Variants in TNK1 observed in about 807,000 individuals in gnomAD.
TNK1 encodes tyrosine kinase non receptor 1, also known as non-receptor tyrosine-protein kinase TNK1.
Under a neutral mutation model 65.2 loss-of-function variants are expected in TNK1, and 53 were observed. That is an observed-to-expected ratio of 0.81 (90% CI 0.65 to 1.02). TNK1 has a LOEUF of 1.02. Among genes scored for constraint, TNK1 ranks in the 50% least tolerant of loss-of-function variants. TNK1 has a pLI of 0.00. For missense variants in TNK1, 837 were observed against 878.4 expected (o/e 0.95, Z 0.60); for synonymous variants, 353 against 364.6 (o/e 0.97, Z 0.36).
rs5819155 is a variant in TNK1 at position 7,387,468 on chromosome 17, TG to T, written c.1477+13del. On this transcript the variant is annotated intron_variant, in intron 10 of 12. Coordinates refer to ENST00000688331, the MANE Select transcript of TNK1 (RefSeq NM_003985.6). ...TGGAGAGGATGAAAGGTGGGTGTGG[TG>T]GACTCCAGAGTCTCTGAGGAGATCA... 622,468 of 1,577,900 alleles carry T rather than the reference TG, an allele frequency of 0.39. 127,190 individuals are homozygous for T. The highest frequency in any genetic ancestry group is 0.59 in the Middle Eastern group (3,578 of 6,022).
chr17:7,384,873 G>C, intron 7 of TNK1, 119 bp downstream of exon 7: 2 of 1,332,278 alleles, frequency 1.5e-6, no homozygotes, highest in Non-Finnish European at 2.0e-6. Context: ...ACTCAGCTCT[G>C]AGCAAAACAG....
Position 7,382,787 on chromosome 17 carries a change from C to A in TNK1, c.-91-49C>A. 1 of 883,160 alleles carries A rather than the reference C, an allele frequency of 1.1e-6. No individual in the cohort carries two copies. Among genetic ancestry groups the A allele is most frequent in the Non-Finnish European group, 1.7e-6 (1 of 588,192 alleles). 54.7% of individuals were successfully genotyped at this position (883,160 alleles called of 1,614,324 possible). A position where few individuals can be genotyped will look rare whatever the true frequency, so the allele number is the denominator to read the frequency against. On this transcript the variant is annotated intron_variant, in intron 1 of 12. Transcript: ENST00000688331. This position sits in a 1 kb window ranked among gnomAD's most constrained non-coding sequence, Gnocchi z 4.1. Reference sequence around the variant, plus strand: ...CGTGAGTGGCAGGGATCCTGGCTGTCTCTGCTGTGTCCCTGCCTCTGTACC... The same window carrying A: ...CGTGAGTGGCAGGGATCCTGGCTGTATCTGCTGTGTCCCTGCCTCTGTACC...
rs762718215 is a variant in TNK1 at position 7,383,571 on chromosome 17, C to G, written c.381C>G (p.Phe127Leu). The part of the protein sequence containing the change: ...CRGELLGSGC[F>L]GVVHRGLWTL... ...GGGAGCTGCTGGGTTCAGGCTGCTT[C>G]GGTGTGGTGCACCGAGGGCTGTGGA... The change falls in exon 4 of 13, where the codon TTC (phenylalanine) becomes TTG (leucine). Residue 127 changes from phenylalanine to leucine, a missense_variant. Transcript: ENST00000688331. 4 of 1,611,882 alleles carry G rather than the reference C, an allele frequency of 2.5e-6. No homozygotes were observed. Among genetic ancestry groups the G allele is most frequent in the Non-Finnish European group, 2.5e-6 (3 of 1,178,862 alleles).
chr17:7,385,831 T>G (rs1340239277), intron 7 of TNK1, among the ~76,000 whole-genome samples: 1 of 152,166 alleles, frequency 6.6e-6, no homozygotes, highest in Non-Finnish European at 1.5e-5. Context: ...TCCCAAAGTG[T>G]TGGGATTACA....
At chr17:7,387,753 T>A (rs1365291812) in intron 10 of TNK1, among the ~76,000 whole-genome samples, 1 of 152,054 alleles carries the variant, frequency 6.6e-6, no homozygotes, top group African/African-American at 2.4e-5. Context: ...TACAGGCATG[T>A]GCCACCACAC....
rs935164297 is a variant in TNK1, at chr17:7,386,558, C to T, written c.1138-3C>T. The stretch of plus-strand genomic sequence containing the variant: ...CAGCCACCCTTTCCTCTTGTCTCCA[C>T]AGGCCGGGCCTTCGGAAGCATGTTG... On this transcript the variant is annotated splice_polypyrimidine_tract_variant and splice_region_variant and intron_variant, in intron 7 of 12. Coordinates refer to ENST00000688331, the MANE Select transcript of TNK1 (RefSeq NM_003985.6). 4 of 1,597,022 alleles carry T rather than the reference C, an allele frequency of 2.5e-6. No homozygotes were observed. The African/African-American group carries it at 5.4e-5, about 21-fold the overall frequency.
At chr17:7,387,512 C>T in intron 10 of TNK1, 55 bp downstream of exon 10, 1 of 1,437,862 alleles carries the variant, frequency 7.0e-7, no homozygotes, top group South Asian at 1.3e-5. Context: ...TCCTTCAATT[C>T]CGACCCCCTG....
Position 7,383,884 on chromosome 17 carries a change from G to C in TNK1, c.582+20G>C. On this transcript the variant is annotated intron_variant, in intron 5 of 12. Coordinates refer to ENST00000688331, the MANE Select transcript of TNK1 (RefSeq NM_003985.6). ...CAGATGGTGAGCAGATCCAGCCGCT[G>C]GTTCCCGGGACAGCCGTGCGGCAGG... is the stretch of plus-strand genomic sequence containing the variant. 6.3e-7 allele frequency: 1 copy of C among 1,599,446 alleles called. No individual in the cohort carries two copies. The highest frequency in any genetic ancestry group is 8.5e-7 in the Non-Finnish European group (1 of 1,172,240).
At position 7,384,762 on chromosome 17, in the gene TNK1, C is replaced by T; in HGVS notation, c.1137+8C>T. 6.4e-7 allele frequency: 1 copy of T among 1,565,892 alleles called. No homozygotes were observed. Among genetic ancestry groups the T allele is most frequent in the East Asian group, 2.4e-5 (1 of 42,414 alleles). On this transcript the variant is annotated splice_region_variant and intron_variant, in intron 7 of 12. Coordinates refer to ENST00000688331, the MANE Select transcript of TNK1 (RefSeq NM_003985.6). ...GAGGGGCTGCTGCAAGAGGTGGGAA[C>T]CCCCGACCTCACCAGATACACAGTC...
intron 1 of TNK1, among the ~76,000 whole-genome samples, chr17:7,381,548 A>T (rs573957736): frequency 1.2e-4 from 19 of 152,356 alleles, no homozygotes; most frequent in African/African-American, 4.1e-4. Flanking sequence ...CGAGTGACTC[A>T]GGCTGCCAGC....
In TNK1 at chr17:7,388,754, G is replaced by A. The variant is rs1241306953; in HGVS notation, c.1777-34G>A. 4 of 1,605,416 alleles carry A rather than the reference G, an allele frequency of 2.5e-6. No homozygotes were observed. Among genetic ancestry groups the A allele is most frequent in the African/African-American group, 1.3e-5 (1 of 74,730 alleles). Reference sequence around the variant, plus strand: ...GTGTCCAGAAGGGGCTACAGGCAGGGGCAGGGGCCTGAGTGAGGCTTTGTC... The same window carrying A: ...GTGTCCAGAAGGGGCTACAGGCAGGAGCAGGGGCCTGAGTGAGGCTTTGTC... On this transcript the variant is annotated intron_variant, in intron 11 of 12. Coordinates refer to ENST00000688331, the MANE Select transcript of TNK1 (RefSeq NM_003985.6). The surrounding 1 kb of genome is among the most constrained non-coding windows in gnomAD (Gnocchi z 4.5).
rs1215796112 is a variant in TNK1 at position 7,383,010 on chromosome 17, G to A, written c.84G>A (p.Glu28=). 2.5e-6 allele frequency: 4 copies of A among 1,613,864 alleles called. No individual in the cohort carries two copies. The African/African-American group carries it at 4.0e-5, about 16-fold the overall frequency. The part of the protein sequence containing the change: ...QLAQFYWPIL[E]ELNVTRPEHF... ...CCCAGTTTTACTGGCCCATCCTTGA[G>A]GAGCTTAATGTCACTCGGCCAGAGC... Residue 28 remains glutamate (E), a synonymous_variant, in exon 2 of 13, where the codon GAG becomes GAA. Transcript: ENST00000688331.
intron 7 of TNK1, among the ~76,000 whole-genome samples, chr17:7,385,657 T>C (rs575693847): frequency 1.5e-4 from 23 of 152,158 alleles, no homozygotes; most frequent in African/African-American, 2.6e-4. Context: ...CTCCGCCTCC[T>C]GGGTTCAAGC....
rs1273948646 is a variant in TNK1 at position 7,389,525 on chromosome 17, T to G, written c.*441T>G. 2.6e-6 allele frequency: 1 copy of G among 380,140 alleles called. No homozygotes were observed. The highest frequency in any genetic ancestry group is 4.7e-6 in the Non-Finnish European group (1 of 213,908). 23.5% of individuals were successfully genotyped at this position (380,140 alleles called of 1,614,324 possible). ...TCCTGGATGATGGAAGCCACCATAT[T>G]GACTTGGGGTATAGGCCCAAACTGC... On this transcript the variant is annotated 3_prime_UTR_variant, in exon 13 of 13. Coordinates refer to ENST00000688331, the MANE Select transcript of TNK1 (RefSeq NM_003985.6).
At chr17:7,384,906 G>T (rs1905096502) in intron 7 of TNK1, among the ~76,000 whole-genome samples, 152 bp downstream of exon 7, 2 of 152,228 alleles carry the variant, frequency 1.3e-5, no homozygotes, top group Non-Finnish European at 2.9e-5. Context: ...CCTGCAGGGA[G>T]ATCAGAGCCC....
upstream of TNK1, chr17:7,380,638 G>A (rs1428953127): frequency 2.0e-5 from 3 of 152,324 alleles, no homozygotes; most frequent in Non-Finnish European, 4.4e-5. Flanking sequence ...AGTAAAGCCT[G>A]CTAGGAAGCT....
At chr17:7,380,391 T>A (rs891950443), upstream of TNK1, 8 of 152,372 alleles carry the variant, frequency 5.3e-5, no homozygotes, top group African/African-American at 1.7e-4. Context: ...TTAGTCCCAG[T>A]GGCCACAGGC....
chr17:7,387,278 G>C, intron 9 of TNK1, 100 bp from the exon 10 acceptor site: 1 of 1,504,752 alleles, frequency 6.6e-7, no homozygotes, highest in Middle Eastern at 1.8e-4. Context: ...CCTGGGCCCT[G>C]GGTCTCCTGG....
At position 7,384,129 on chromosome 17, in the gene TNK1, A is replaced by AC. The variant is rs1567645669; in HGVS notation, c.743dup (p.Arg249AlafsTer15). The AC allele has an allele frequency of 1.3e-6, 2 of 1,548,012 alleles. No homozygotes were observed. The highest frequency in any genetic ancestry group is 4.8e-5 in the East Asian group (2 of 41,406). On this transcript the variant is annotated frameshift_variant, in exon 6 of 13. Coordinates refer to ENST00000688331, the MANE Select transcript of TNK1 (RefSeq NM_003985.6). LOFTEE classifies it high-confidence loss of function. Reference sequence around the variant, plus strand: ...CGGGCTGGTGCACCGAGACCTCGCTACGCGCAACCTACTGCTGGCGTCGCC... The same window carrying AC: ...CGGGCTGGTGCACCGAGACCTCGCTACCGCGCAACCTACTGCTGGCGTCGCC...
Sources: allele counts gnomAD v4.1 joint callset (sites outside exome capture counted in the v4.1 genomes callset), GRCh38; gene constraint gnomAD v4.1.1; non-coding constraint Gnocchi (gnomAD v3.1); transcripts MANE v1.5; gene names NCBI Gene and HGNC (gene_info 2026-07-23, HGNC 2026-07-21).